The following HGSNAT variants were observed in gnomAD, a reference collection of about 807,000 sequenced individuals.
The protein encoded by HGSNAT is heparan-alpha-glucosaminide N-acetyltransferase.
In HGSNAT, 59 loss-of-function variants were observed where a neutral mutation model predicts 85.2. The ratio of observed to expected loss-of-function variants is 0.69; its 90% CI spans 0.56 to 0.86. The LOEUF (loss-of-function observed/expected upper bound fraction) is 0.86, where lower values mean the gene tolerates loss of function less well. HGSNAT is among the 40% of genes least tolerant of loss of function. The pLI is 0.00. For missense variants in HGSNAT, 756 were observed against 777.1 expected, an observed-to-expected ratio of 0.97 and a Z score of 0.32; for synonymous variants, 321 against 304.5, an observed-to-expected ratio of 1.05 and a Z score of -0.56.
intron 17 of HGSNAT, among the ~76,000 whole-genome samples, 184 bp downstream of exon 17, chr8:43,198,136 C>G (rs546791653): frequency 6.6e-6 from 1 of 152,322 alleles, no homozygotes; most frequent in Non-Finnish European, 1.5e-5. Flanking sequence ...TGTCACTGGC[C>G]TGCTCCAGAG....
At chr8:43,145,191 T>C (rs1443873483) in intron 1 of HGSNAT, among the ~76,000 whole-genome samples, 1 of 152,124 alleles carries the variant, frequency 6.6e-6, no homozygotes, top group Non-Finnish European at 1.5e-5. Context: ...TCCGAACTTC[T>C]AGAAAAGTGA....
chr8:43,155,490 C>T (rs2130705798), intron 2 of HGSNAT, among the ~76,000 whole-genome samples: 1 of 152,016 alleles, frequency 6.6e-6, no homozygotes, highest in South Asian at 2.1e-4. Flanking sequence ...GTTTGAGTTC[C>T]TTATATATTC....
chr8:43,169,075 T>C (rs1351863358), intron 5 of HGSNAT, 98 bp from the exon 6 acceptor site: 14 of 608,398 alleles, frequency 2.3e-5, no homozygotes, highest in East Asian at 1.7e-4. Context: ...CTTAGTAATA[T>C]AGAATATGAG....
In HGSNAT at chr8:43,201,600, T is replaced by G. The variant is rs1055265430; in HGVS notation, c.*2031T>G. 1 of 152,248 alleles carries G rather than the reference T, an allele frequency of 6.6e-6. No homozygotes were observed. The highest frequency in any genetic ancestry group is 1.5e-5 in the Non-Finnish European group (1 of 68,064). 9.4% of individuals were successfully genotyped at this position (152,248 alleles called of 1,614,324 possible). On this transcript the variant is annotated 3_prime_UTR_variant, in exon 18 of 18. Coordinates refer to ENST00000379644, the MANE Select transcript of HGSNAT (RefSeq NM_152419.3). The surrounding 1 kb of genome is among the most constrained non-coding windows in gnomAD (Gnocchi z 4.4). ...ATCTCTTATCCTCATCCCCAAATAG[T>G]GTTTTCTTCCTCTGGGTTCTTATAA...
intron 2 of HGSNAT, among the ~76,000 whole-genome samples, chr8:43,150,038 C>A (rs941925117): frequency 6.6e-6 from 1 of 152,088 alleles, no homozygotes; most frequent in Non-Finnish European, 1.5e-5. Context: ...CTCACCACAA[C>A]CTCCACCTCC....
intron 6 of HGSNAT, among the ~76,000 whole-genome samples, chr8:43,169,708 A>G (rs561125941): frequency 1.6e-4 from 24 of 152,340 alleles, no homozygotes; most frequent in African/African-American, 5.5e-4. Context: ...TTTTGGTGTC[A>G]TTTATCAATG....
At position 43,174,547 on chromosome 8, in the gene HGSNAT, C is replaced by G. The variant is rs570325872; in HGVS notation, c.851+804C>G. On this transcript the variant is annotated intron_variant, in intron 9 of 17. Transcript: ENST00000379644. ...TGCCTATGTGATGTGGAATTTGTAT[C>G]TTTGCTATGGTGTATTAAGTGACAT... 2.6e-5 allele frequency among the ~76,000 whole-genome samples: 4 copies of G among 152,266 alleles called. No individual in the cohort carries two copies. In the East Asian group the frequency reaches 7.7e-4, roughly 29 times the overall value.
At position 43,174,087 on chromosome 8, in the gene HGSNAT, C is replaced by T. The variant is rs552040467; in HGVS notation, c.851+344C>T. Reference sequence around the variant, plus strand: ...AAAAAATTAGCTGGGTGCAGTGGCACGTGCCTGTAATCCCAGCTACTCGGG... The same window carrying T: ...AAAAAATTAGCTGGGTGCAGTGGCATGTGCCTGTAATCCCAGCTACTCGGG... On this transcript the variant is annotated intron_variant, in intron 9 of 17. Transcript: ENST00000379644. The T allele has an allele frequency of 2.9e-5, 5 of 174,000 alleles. No homozygotes were observed. The South Asian group carries it at 7.1e-4, about 25-fold the overall frequency. The allele number at this position is 174,000 out of a possible 1,614,324, so 10.8% of individuals were successfully genotyped here.
chr8:43,152,273 A>G (rs912421053), intron 2 of HGSNAT, among the ~76,000 whole-genome samples: 5 of 152,198 alleles, frequency 3.3e-5, no homozygotes, highest in Non-Finnish European at 7.4e-5. Context: ...CCTGGGTGAC[A>G]GAGCGAGAGT....
At position 43,174,961 on chromosome 8, in the gene HGSNAT, T is replaced by G. The variant is rs1803757635; in HGVS notation, c.851+1218T>G. ...TATCCATCCTTCTATCGCCCTGAGTTCAGTTGTTTTAATTTTTAGCTCCAC... is the reference window on the plus strand; with the variant it reads ...TATCCATCCTTCTATCGCCCTGAGTGCAGTTGTTTTAATTTTTAGCTCCAC... On this transcript the variant is annotated intron_variant, in intron 9 of 17. Coordinates refer to ENST00000379644, the MANE Select transcript of HGSNAT (RefSeq NM_152419.3). 2.1e-5 allele frequency among the ~76,000 whole-genome samples: 3 copies of G among 144,388 alleles called. No individual in the cohort carries two copies. In the South Asian group the frequency reaches 6.7e-4, roughly 32 times the overall value. 94.7% of individuals were successfully genotyped at this position (144,388 alleles called of 152,430 possible). A position where few individuals can be genotyped will look rare whatever the true frequency, so the allele number is the denominator to read the frequency against.
chr8:43,164,599 G>A (rs1313873359), intron 5 of HGSNAT, among the ~76,000 whole-genome samples: 3 of 152,064 alleles, frequency 2.0e-5, no homozygotes, highest in Non-Finnish European at 2.9e-5. Flanking sequence ...GGCCAACATG[G>A]TGAAACCCCC....
chr8:43,173,610 C>T (rs1803707127), intron 8 of HGSNAT, 103 bp from the exon 9 acceptor site: 1 of 1,296,126 alleles, frequency 7.7e-7, no homozygotes. Flanking sequence ...TGCGCCTCCC[C>T]TGGGTTTACT....
In HGSNAT at chr8:43,158,666, C is replaced by A. The variant is rs768887468; in HGVS notation, c.326C>A (p.Ser109Tyr). 1.4e-5 allele frequency: 23 copies of A among 1,613,656 alleles called. No individual in the cohort carries two copies. The Admixed American group carries it at 1.7e-4, about 12-fold the overall frequency. The change falls in exon 3 of 18, where the codon TCT (serine) becomes TAT (tyrosine). Residue 109 changes from serine (S) to tyrosine (Y), a missense_variant. Transcript: ENST00000379644. ...GCCTCTGTCAGCACCCAGCACGGATCTATCCTGCAGCTGAACGACACCTTG... is the reference window on the plus strand; with the variant it reads ...GCCTCTGTCAGCACCCAGCACGGATATATCCTGCAGCTGAACGACACCTTG... ...AAASVSTQHG[S>Y]ILQLNDTLEE...
intron 1 of HGSNAT, 124 bp downstream of exon 1, chr8:43,140,738 C>T (rs1363093372): frequency 6.1e-6 from 2 of 329,702 alleles, no homozygotes; most frequent in African/African-American, 2.2e-5. Flanking sequence ...CCCCCGTGGC[C>T]TGGGCTGTTG....
chr8:43,154,083 G>A (rs1241561374), intron 2 of HGSNAT, among the ~76,000 whole-genome samples: 1 of 152,020 alleles, frequency 6.6e-6, no homozygotes, highest in Non-Finnish European at 1.5e-5. Context: ...AAATGAGATT[G>A]ATCTTTATTG....
Position 43,199,513 on chromosome 8 carries a change from C to T in HGSNAT, c.1852C>T (p.Leu618Phe). 1.2e-6 allele frequency: 2 copies of T among 1,607,924 alleles called. No homozygotes were observed. Among genetic ancestry groups the T allele is most frequent in the African/African-American group, 1.3e-5 (1 of 74,832 alleles). ...HLTQNIVATA[L>F]WVLIAYILYR... ...GACTCAGAACATCGTCGCCACTGCC[C>T]TCTGGGTGCTCATTGCCTACATCCT... The change falls in exon 18 of 18, where the codon CTC becomes TTC. Residue 618 changes from leucine to phenylalanine, a missense_variant. By Grantham distance (22) the Leu-to-Phe change is conservative (BLOSUM62 0). Coordinates refer to ENST00000379644, the MANE Select transcript of HGSNAT (RefSeq NM_152419.3).
At chr8:43,196,839 C>T (rs1045380827) in intron 14 of HGSNAT, 109 bp from the exon 15 acceptor site, 5 of 716,390 alleles carry the variant, frequency 7.0e-6, no homozygotes, top group Admixed American at 4.3e-5. Flanking sequence ...CACCTAGTAG[C>T]GTGCCCAGCA....
chr8:43,170,305 C>A (rs984316249), intron 6 of HGSNAT, among the ~76,000 whole-genome samples: 1 of 151,982 alleles, frequency 6.6e-6, no homozygotes, highest in Non-Finnish European at 1.5e-5. Flanking sequence ...CATGATGAAA[C>A]CCCATCTCTA....
intron 14 of HGSNAT, among the ~76,000 whole-genome samples, chr8:43,195,655 T>TGAGGAGGAGGAGGAGGGAGGAGA (rs1804693213): frequency 1.5e-5 from 1 of 67,560 alleles, no homozygotes; most frequent in Non-Finnish European, 2.7e-5. Context: ...GAGGAGGGGC[T>TGAGGAGGAGGAGGAGGGAGGAGA]GGAGGAGGAG....
Sources: allele counts gnomAD v4.1 joint callset (sites outside exome capture counted in the v4.1 genomes callset), GRCh38; gene constraint gnomAD v4.1.1; non-coding constraint Gnocchi (gnomAD v3.1); transcripts MANE v1.5; gene names NCBI Gene and HGNC (gene_info 2026-07-23, HGNC 2026-07-21).